The following MYO1D variants were observed in gnomAD, a reference collection of about 807,000 sequenced individuals.
MYO1D encodes myosin ID.
A neutral mutation model predicts 122.0 loss-of-function variants in MYO1D; 83 were observed. The observed-to-expected ratio is 0.68, with a 90% CI of 0.57 to 0.82. MYO1D has a LOEUF of 0.82. MYO1D is among the 40% of genes least tolerant of loss of function. MYO1D has a pLI of 0.00. For synonymous variants in MYO1D, 464 were observed against 446.9 expected, an observed-to-expected ratio of 1.04 and a Z score of -0.48; for missense variants, 1,157 against 1,269.5, an observed-to-expected ratio of 0.91 and a Z score of 1.35.
At chr17:32,775,642 G>A (rs977394462) in intron 4 of MYO1D, among the ~76,000 whole-genome samples, 3 of 152,080 alleles carry the variant, frequency 2.0e-5, no homozygotes, top group Admixed American at 1.3e-4. Flanking sequence ...CCATTCACAC[G>A]CATAGCTAAA....
intron 16 of MYO1D, among the ~76,000 whole-genome samples, chr17:32,682,243 C>T (rs2088929946): frequency 6.6e-6 from 1 of 151,240 alleles, no homozygotes; most frequent in East Asian, 1.9e-4. Flanking sequence ...AGCATTTAGT[C>T]CATTTACATT....
At chr17:32,498,798 T>C (rs899623768) in intron 21 of MYO1D, 3 of 152,252 alleles carry the variant, frequency 2.0e-5, no homozygotes, top group Non-Finnish European at 4.4e-5. Flanking sequence ...TTATGTTCTT[T>C]ACACATTTTA....
intron 20 of MYO1D, among the ~76,000 whole-genome samples, chr17:32,611,357 A>C (rs1305583010): frequency 6.6e-6 from 1 of 152,248 alleles, no homozygotes; most frequent in East Asian, 1.9e-4. Context: ...GAATAATAGA[A>C]GAAAACATCC....
chr17:32,757,525 T>C (rs1337591684), intron 10 of MYO1D, among the ~76,000 whole-genome samples: 4 of 151,622 alleles, frequency 2.6e-5, no homozygotes, highest in African/African-American at 9.7e-5. Flanking sequence ...ATTATGGGCA[T>C]TTATTACATT....
intron 21 of MYO1D, among the ~76,000 whole-genome samples, chr17:32,587,378 G>C (rs2087397718): frequency 6.6e-6 from 1 of 152,082 alleles, no homozygotes; most frequent in Non-Finnish European, 1.5e-5. Flanking sequence ...CAGGCGTGGT[G>C]GTGGGCACCT....
intron 16 of MYO1D, among the ~76,000 whole-genome samples, chr17:32,698,613 T>A (rs997217680): frequency 6.6e-6 from 1 of 152,112 alleles, no homozygotes; most frequent in Non-Finnish European, 1.5e-5. Flanking sequence ...AATTTTCAGA[T>A]AATGATTCTA....
chr17:32,674,994 G>C (rs1301346499), intron 16 of MYO1D, among the ~76,000 whole-genome samples: 2 of 152,146 alleles, frequency 1.3e-5, no homozygotes, highest in African/African-American at 4.8e-5. Context: ...TGATAGAAGG[G>C]GGAATGACAG....
chr17:32,581,498 C>G (rs1452342924), intron 21 of MYO1D, among the ~76,000 whole-genome samples: 5 of 151,528 alleles, frequency 3.3e-5, no homozygotes, highest in African/African-American at 1.2e-4. Context: ...TCCCTCCCTC[C>G]CTTCCCTTTT....
At chr17:32,663,800 A>T (rs1241285374) in intron 16 of MYO1D, among the ~76,000 whole-genome samples, 1 of 152,142 alleles carries the variant, frequency 6.6e-6, no homozygotes, top group Non-Finnish European at 1.5e-5. Context: ...GCACCTTCAA[A>T]AGTAGTACGA....
chr17:32,638,878 A>C (rs2088147292), intron 19 of MYO1D, 43 bp from the exon 20 acceptor site: 1 of 1,357,934 alleles, frequency 7.4e-7, no homozygotes, highest in Non-Finnish European at 1.1e-6. Context: ...CTCATCAATA[A>C]GGAAATCAAG....
rs142319554 is a variant in MYO1D at position 32,503,191 on chromosome 17, C to T, written c.2865-8276G>A. Reference sequence around the variant, plus strand: ...TTCGCAGGCCCTGCACAAAGTGGGACAGGCCACTCCTGTCCAGAAGGTGAA... The same window carrying T: ...TTCGCAGGCCCTGCACAAAGTGGGATAGGCCACTCCTGTCCAGAAGGTGAA... On this transcript the variant is annotated intron_variant, in intron 21 of 21. Coordinates refer to ENST00000318217, the MANE Select transcript of MYO1D (RefSeq NM_015194.3). Among the ~76,000 whole-genome samples the T allele has an allele frequency of 1.1e-3, 161 of 152,306 alleles. 1 individual carries two copies. Among genetic ancestry groups the T allele is most frequent in the African/African-American group, 3.7e-3 (154 of 41,572 alleles).
At chr17:32,747,440 T>C (rs940711640) in intron 12 of MYO1D, among the ~76,000 whole-genome samples, 1 of 152,190 alleles carries the variant, frequency 6.6e-6, no homozygotes, top group African/African-American at 2.4e-5. Context: ...CCTGGGAATG[T>C]TGCCTTATAT....
chr17:32,516,334 C>T lies in MYO1D; in HGVS notation c.2865-21419G>A, dbSNP rs56087223. ...AATCCCACATCACAGAAACCACTCA[C>T]CATGCTGCTGCTGGTAGACACATGA... On this transcript the variant is annotated intron_variant, in intron 21 of 21. Coordinates refer to ENST00000318217, the MANE Select transcript of MYO1D (RefSeq NM_015194.3). 5.9e-5 allele frequency among the ~76,000 whole-genome samples: 9 copies of T among 152,316 alleles called. No individual in the cohort carries two copies. In the East Asian group the frequency reaches 1.7e-3, roughly 29 times the overall value.
intron 21 of MYO1D, among the ~76,000 whole-genome samples, chr17:32,592,672 C>T (rs1374129046): frequency 1.3e-5 from 2 of 150,132 alleles, no homozygotes; most frequent in Non-Finnish European, 3.0e-5. Flanking sequence ...GAGGGGATGC[C>T]AGAATAAGAT....
At chr17:32,612,927 C>T (rs2087721910) in intron 20 of MYO1D, among the ~76,000 whole-genome samples, 6 of 151,808 alleles carry the variant, frequency 4.0e-5, no homozygotes, top group African/African-American at 1.5e-4. Flanking sequence ...CGTCACCACA[C>T]CCGGCTAGTT....
At chr17:32,698,579 T>C (rs2089205308) in intron 16 of MYO1D, among the ~76,000 whole-genome samples, 1 of 152,042 alleles carries the variant, frequency 6.6e-6, no homozygotes, top group Admixed American at 6.5e-5. Flanking sequence ...ATTAGGCAAA[T>C]GAATGACAAA....
intron 1 of MYO1D, among the ~76,000 whole-genome samples, chr17:32,808,725 C>A (rs2090543185): frequency 6.6e-6 from 1 of 152,176 alleles, no homozygotes; most frequent in Non-Finnish European, 1.5e-5. Flanking sequence ...CTAACATACT[C>A]TTTTTCCACC....
At chr17:32,751,876 A>G (rs968203889) in intron 11 of MYO1D, among the ~76,000 whole-genome samples, 2 of 152,192 alleles carry the variant, frequency 1.3e-5, no homozygotes, top group Non-Finnish European at 1.5e-5. Context: ...AATTCAATGC[A>G]TTTCCTATCA....
At chr17:32,767,521 C>T (rs555197406) in intron 7 of MYO1D, 115 bp downstream of exon 7, 15 of 625,892 alleles carry the variant, frequency 2.4e-5, no homozygotes, top group Admixed American at 1.6e-4. Flanking sequence ...CTTCAAAATA[C>T]GTACAAAATT....
Sources: allele counts gnomAD v4.1 joint callset (sites outside exome capture counted in the v4.1 genomes callset), GRCh38; gene constraint gnomAD v4.1.1; transcripts MANE v1.5; gene names NCBI Gene and HGNC (gene_info 2026-07-23, HGNC 2026-07-21).